The following CAPZB variants were observed in gnomAD, a reference collection of about 807,000 sequenced individuals.
The protein encoded by CAPZB is F-actin-capping protein subunit beta.
CAPZB carries 2 observed loss-of-function variants against 38.1 expected under a neutral mutation model. The observed-to-expected ratio is 0.05, with a 90% CI of 0.02 to 0.17. The LOEUF (loss-of-function observed/expected upper bound fraction) is 0.17, where lower values mean the gene tolerates loss of function less well. Ranked by LOEUF, CAPZB falls within the 10% of genes least tolerant of loss-of-function variation. CAPZB has a pLI of 1.00. For synonymous variants in CAPZB, 107 were observed against 127.4 expected (o/e 0.84, Z 1.08); for missense variants, 161 against 334.2 (o/e 0.48, Z 4.04).
intron 1 of CAPZB, among the ~76,000 whole-genome samples, chr1:19,478,836 G>A (rs746865693): frequency 1.3e-5 from 2 of 152,200 alleles, no homozygotes; most frequent in Admixed American, 6.5e-5. Flanking sequence ...GGTGGGCCTC[G>A]GTTTCCTCAC....
intron 3 of CAPZB, among the ~76,000 whole-genome samples, chr1:19,383,428 C>A (rs1238302838): frequency 4.6e-4 from 61 of 131,392 alleles, no homozygotes; most frequent in African/African-American, 1.8e-3. Context: ...ACCTGGACAA[C>A]AGAGTGAGAC....
rs1429845901 is a variant in CAPZB at position 19,470,997 on chromosome 1, AC to A, written c.3+14438del. Among the ~76,000 whole-genome samples the A allele has an allele frequency of 2.0e-5, 3 of 152,250 alleles. No homozygotes were observed. The East Asian group carries it at 5.8e-4, about 29-fold the overall frequency. The stretch of plus-strand genomic sequence containing the variant: ...TGGCCCCCCTTTATCCTCGGGGGAT[AC>A]CTTCCAAGACCCCCAGTGGATGCCT... On this transcript the variant is annotated intron_variant, in intron 1 of 8. Coordinates refer to ENST00000264202, the MANE Select transcript of CAPZB (RefSeq NM_004930.5).
At chr1:19,370,849 C>T (rs1400775363) in intron 4 of CAPZB, among the ~76,000 whole-genome samples, 2 of 152,204 alleles carry the variant, frequency 1.3e-5, no homozygotes, top group Non-Finnish European at 2.9e-5. Context: ...AACATCCACA[C>T]CCTTTGCTCT....
At chr1:19,383,216 C>A (rs2094185103) in intron 3 of CAPZB, among the ~76,000 whole-genome samples, 1 of 151,664 alleles carries the variant, frequency 6.6e-6, no homozygotes, top group South Asian at 2.1e-4. Flanking sequence ...GAAGCCAAGG[C>A]AGGAGGATCA....
At chr1:19,419,896 G>T (rs979136589) in intron 1 of CAPZB, 146 bp from the exon 2 acceptor site, 19 of 597,160 alleles carry the variant, frequency 3.2e-5, no homozygotes, top group Non-Finnish European at 5.6e-5. Flanking sequence ...TGTGCCAGCA[G>T]CCTGGAGCGG....
chr1:19,382,635 T>C (rs932087460), intron 3 of CAPZB, among the ~76,000 whole-genome samples: 2 of 151,966 alleles, frequency 1.3e-5, no homozygotes, highest in African/African-American at 4.8e-5. Flanking sequence ...GAGCTGGTGG[T>C]AGGGCCTCAG....
chr1:19,382,722 C>T (rs935141227), intron 3 of CAPZB, among the ~76,000 whole-genome samples: 3 of 152,158 alleles, frequency 2.0e-5, no homozygotes, highest in Admixed American at 6.5e-5. Flanking sequence ...GGCCTAGCCA[C>T]GGACCTAGAC....
intron 1 of CAPZB, among the ~76,000 whole-genome samples, chr1:19,438,732 A>G (rs1191627186): frequency 2.6e-5 from 4 of 152,238 alleles, no homozygotes; most frequent in Non-Finnish European, 5.9e-5. Context: ...ACGAGGCCAC[A>G]TGAGGTACTC....
chr1:19,348,521 T>C (rs926169972), intron 6 of CAPZB, among the ~76,000 whole-genome samples: 2 of 151,980 alleles, frequency 1.3e-5, no homozygotes, highest in African/African-American at 4.8e-5. Context: ...GATGTGTGTG[T>C]GCTAGGGGAG....
intron 1 of CAPZB, among the ~76,000 whole-genome samples, chr1:19,432,216 G>C (rs2094444718): frequency 6.6e-6 from 1 of 151,840 alleles, no homozygotes; most frequent in African/African-American, 2.4e-5. Context: ...GTCGAGGTAG[G>C]CAGATCATTG....
At chr1:19,455,221 A>C (rs1459507889) in intron 1 of CAPZB, among the ~76,000 whole-genome samples, 3 of 152,248 alleles carry the variant, frequency 2.0e-5, no homozygotes, top group African/African-American at 7.2e-5. Context: ...TCTAAAAAAT[A>C]TGAAAGGCCT....
intron 4 of CAPZB, among the ~76,000 whole-genome samples, chr1:19,365,748 C>T (rs538618578): frequency 3.3e-5 from 5 of 152,000 alleles, no homozygotes; most frequent in South Asian, 4.1e-4. Flanking sequence ...GCAGGAGAAT[C>T]GCTTGAACCC....
At chr1:19,366,283 A>T (rs2094085215) in intron 4 of CAPZB, among the ~76,000 whole-genome samples, 1 of 60,500 alleles carries the variant, frequency 1.7e-5, no homozygotes, top group African/African-American at 6.4e-5. Context: ...CGTGTCTTAA[A>T]ATATATATAT....
At chr1:19,434,669 C>G (rs1291852646) in intron 1 of CAPZB, among the ~76,000 whole-genome samples, 1 of 152,002 alleles carries the variant, frequency 6.6e-6, no homozygotes, top group Non-Finnish European at 1.5e-5. Context: ...GTGGCTCATG[C>G]CTGGAACCCC....
intron 2 of CAPZB, among the ~76,000 whole-genome samples, chr1:19,388,089 T>C (rs2094213335): frequency 6.6e-6 from 1 of 152,226 alleles, no homozygotes; most frequent in Non-Finnish European, 1.5e-5. Flanking sequence ...CCAGGCACAC[T>C]GCTTGCAGCT....
intron 8 of CAPZB, chr1:19,342,753 T>G (rs2093937490): frequency 1.2e-6 from 2 of 1,601,614 alleles, no homozygotes; most frequent in East Asian, 4.5e-5. Context: ...GCAGGGTACC[T>G]GGATCGGCTT....
Position 19,356,607 on chromosome 1 carries a change from G to T in CAPZB, c.588+28C>A. On this transcript the variant is annotated intron_variant, in intron 6 of 8. Coordinates refer to ENST00000264202, the MANE Select transcript of CAPZB (RefSeq NM_004930.5). This position sits in a 1 kb window ranked among gnomAD's most constrained non-coding sequence, Gnocchi z 4.3. ...CTGAGGCCAGCACCTGTGGGCACTG[G>T]CAAGTGGCTATGAGCGGGTAACTCT... 2.0e-6 allele frequency: 3 copies of T among 1,482,580 alleles called. No homozygotes were observed. The highest frequency in any genetic ancestry group is 2.3e-5 in the South Asian group (2 of 88,576). 91.8% of individuals were successfully genotyped at this position (1,482,580 alleles called of 1,614,324 possible). A position where few individuals can be genotyped will look rare whatever the true frequency, so the allele number is the denominator to read the frequency against.
chr1:19,446,453 A>G (rs900095918), intron 1 of CAPZB, among the ~76,000 whole-genome samples: 2 of 152,248 alleles, frequency 1.3e-5, no homozygotes, highest in Non-Finnish European at 2.9e-5. Flanking sequence ...GAGTCTAGAA[A>G]GGCAATCTGG....
intron 1 of CAPZB, among the ~76,000 whole-genome samples, chr1:19,479,391 CT>C (rs1416180315): frequency 6.6e-6 from 1 of 152,174 alleles, no homozygotes; most frequent in Non-Finnish European, 1.5e-5. Context: ...GATCACTGGG[CT>C]ACCCAGACTG....
Sources: allele counts gnomAD v4.1 joint callset (sites outside exome capture counted in the v4.1 genomes callset), GRCh38; gene constraint gnomAD v4.1.1; non-coding constraint Gnocchi (gnomAD v3.1); transcripts MANE v1.5; gene names NCBI Gene and HGNC (gene_info 2026-07-23, HGNC 2026-07-21).